The following PGM5 variants were observed in gnomAD, a reference collection of about 807,000 sequenced individuals.
PGM5 encodes the protein phosphoglucomutase 5, also known as phosphoglucomutase-like protein 5.
Under a neutral mutation model 59.2 loss-of-function variants are expected in PGM5, and 23 were observed. The observed-to-expected ratio is 0.39, with a 90% CI of 0.28 to 0.55. The LOEUF (loss-of-function observed/expected upper bound fraction) is 0.55. PGM5 is among the 20% of genes least tolerant of loss of function. PGM5 has a pLI of 0.66. For synonymous variants in PGM5, 214 were observed against 286.0 expected (o/e 0.75, Z 2.54); for missense variants, 574 against 748.3 (o/e 0.77, Z 2.72).
rs1349344227 is a variant in PGM5 at position 68,437,021 on chromosome 9, G to T, written c.1044-28072G>T. ...TTCACTAAAATTTAAAAATGCCTTT[G>T]TATTTATGCATAGCTAACTCCTGAG... On this transcript the variant is annotated intron_variant, in intron 6 of 10. Coordinates refer to ENST00000396396, the MANE Select transcript of PGM5 (RefSeq NM_021965.4). The surrounding 1 kb of genome is among the most constrained non-coding windows in gnomAD (Gnocchi z 4.1). 6.6e-6 allele frequency among the ~76,000 whole-genome samples: 1 copy of T among 152,206 alleles called. No homozygotes were observed. The highest frequency in any genetic ancestry group is 2.4e-5 in the African/African-American group (1 of 41,448).
rs1405922391 is a variant in PGM5, at chr9:68,357,618, T to C, written c.261+230T>C. The C allele has an allele frequency of 3.4e-5, 23 of 674,102 alleles. No individual in the cohort carries two copies. In the African/African-American group the frequency reaches 4.1e-4, roughly 12 times the overall value. 41.8% of individuals were successfully genotyped at this position (674,102 alleles called of 1,614,324 possible). A position where few individuals can be genotyped will look rare whatever the true frequency, so the allele number is the denominator to read the frequency against. ...TAGTACCCACCGCCCCCAAAAGCCT[T>C]GAGGGGTTTCCGTCGTTCCTGGAGC... On this transcript the variant is annotated intron_variant, in intron 1 of 10. Coordinates refer to ENST00000396396, the MANE Select transcript of PGM5 (RefSeq NM_021965.4).
intron 6 of PGM5, among the ~76,000 whole-genome samples, chr9:68,427,731 C>G (rs966233741): frequency 6.6e-6 from 1 of 152,222 alleles, no homozygotes; most frequent in Non-Finnish European, 1.5e-5. Flanking sequence ...AGACTCTGGG[C>G]TGTCTTGCAA....
At chr9:68,480,523 G>T (rs1173158137) in intron 8 of PGM5, among the ~76,000 whole-genome samples, 1 of 152,106 alleles carries the variant, frequency 6.6e-6, no homozygotes, top group Non-Finnish European at 1.5e-5. Flanking sequence ...TGACCAACAT[G>T]GTGAAACTCT....
intron 9 of PGM5, among the ~76,000 whole-genome samples, chr9:68,486,276 T>C (rs1824294380): frequency 6.6e-6 from 1 of 152,190 alleles, no homozygotes; most frequent in Non-Finnish European, 1.5e-5. Context: ...TCTTTATTGA[T>C]ATATAATTCA....
chr9:68,521,103 G>T (rs538974395), intron 10 of PGM5, among the ~76,000 whole-genome samples: 1 of 152,336 alleles, frequency 6.6e-6, no homozygotes, highest in South Asian at 2.1e-4. Flanking sequence ...GTACTGAGTA[G>T]GTTCAGAGCT....
chr9:68,417,134 G>A (rs1823046684), intron 6 of PGM5, among the ~76,000 whole-genome samples: 1 of 152,184 alleles, frequency 6.6e-6, no homozygotes, highest in Non-Finnish European at 1.5e-5. Flanking sequence ...ATCGGATACG[G>A]GCCTACTGGT....
At chr9:68,528,528 C>A (rs141238974) in intron 10 of PGM5, among the ~76,000 whole-genome samples, 1 of 152,212 alleles carries the variant, frequency 6.6e-6, no homozygotes, top group East Asian at 1.9e-4. Flanking sequence ...TGAGCCACCA[C>A]GCGTGGCCAA....
intron 1 of PGM5, among the ~76,000 whole-genome samples, chr9:68,370,840 A>G (rs1587772324): frequency 6.6e-6 from 1 of 152,166 alleles, no homozygotes; most frequent in Admixed American, 6.5e-5. Flanking sequence ...CATCATGGGA[A>G]ATGATAATTG....
chr9:68,432,078 T>TAA (rs35673422), intron 6 of PGM5, among the ~76,000 whole-genome samples: 4 of 152,148 alleles, frequency 2.6e-5, no homozygotes, highest in Non-Finnish European at 5.9e-5. Flanking sequence ...TTTTTGTTTT[T>TAA]AAAAAAATCC....
intron 1 of PGM5, among the ~76,000 whole-genome samples, chr9:68,374,058 C>T (rs1348572206): frequency 1.3e-5 from 2 of 152,304 alleles, no homozygotes; most frequent in African/African-American, 2.4e-5. Flanking sequence ...GAAAATGTAG[C>T]CCCTGGCTGG....
At chr9:68,477,428 A>G (rs1824125341) in intron 7 of PGM5, among the ~76,000 whole-genome samples, 1 of 152,212 alleles carries the variant, frequency 6.6e-6, no homozygotes, top group African/African-American at 2.4e-5. Context: ...TGACTTAAGT[A>G]TTGTTTGATC....
At chr9:68,490,412 T>C (rs538129479) in intron 9 of PGM5, among the ~76,000 whole-genome samples, 187 of 152,360 alleles carry the variant, frequency 1.2e-3, no homozygotes, top group African/African-American at 4.3e-3. Context: ...AGTGGCATGA[T>C]CTTGGCTCAC....
intron 6 of PGM5, among the ~76,000 whole-genome samples, chr9:68,418,557 C>T (rs1407983995): frequency 6.6e-6 from 1 of 151,976 alleles, no homozygotes; most frequent in Non-Finnish European, 1.5e-5. Context: ...GCTTTGTGTT[C>T]AAGCAGAAGA....
chr9:68,378,562 G>C (rs1478214505), intron 2 of PGM5, among the ~76,000 whole-genome samples: 3 of 152,080 alleles, frequency 2.0e-5, no homozygotes, highest in African/African-American at 7.2e-5. Flanking sequence ...TTGGTCCCCT[G>C]TACTCTTCAG....
At chr9:68,371,764 A>G (rs1821739140) in intron 1 of PGM5, 1 of 152,176 alleles carries the variant, frequency 6.6e-6, no homozygotes, top group Admixed American at 6.5e-5. Context: ...CAATGACTAG[A>G]TCTTGAAAGC....
At chr9:68,526,975 A>G (rs1824985997) in intron 10 of PGM5, among the ~76,000 whole-genome samples, 1 of 152,240 alleles carries the variant, frequency 6.6e-6, no homozygotes, top group South Asian at 2.1e-4. Context: ...ACAGAACTCA[A>G]CTGCTGAAGG....
chr9:68,520,654 CA>C (rs923994001), intron 10 of PGM5, among the ~76,000 whole-genome samples: 3 of 152,066 alleles, frequency 2.0e-5, no homozygotes, highest in Non-Finnish European at 2.9e-5. Context: ...AAAATTGACA[CA>C]AAAAAAGCTT....
intron 1 of PGM5, among the ~76,000 whole-genome samples, chr9:68,360,546 T>C (rs1406067043): frequency 2.0e-5 from 3 of 150,528 alleles, no homozygotes; most frequent in African/African-American, 7.3e-5. Flanking sequence ...TTTTTGAAGC[T>C]ATAGTTGTTG....
chr9:68,516,815 T>C (rs1193469127), intron 10 of PGM5, among the ~76,000 whole-genome samples: 1 of 152,138 alleles, frequency 6.6e-6, no homozygotes, highest in Non-Finnish European at 1.5e-5. Context: ...CTGGGTTGAG[T>C]GGAGACAGTT....
Sources: gnomAD v4.1 joint callset for allele counts (sites outside exome capture counted in the v4.1 genomes callset) on GRCh38, gnomAD v4.1.1 for gene constraint, Gnocchi (gnomAD v3.1) non-coding constraint, MANE v1.5 for transcripts, NCBI Gene and HGNC (gene_info 2026-07-23, HGNC 2026-07-21) for gene names.